Variants in RAB28 observed in about 807,000 individuals in gnomAD.
RAB28 encodes the protein ras-related protein Rab-28.
A neutral mutation model predicts 31.7 loss-of-function variants in RAB28; 24 were observed. That is an observed-to-expected ratio of 0.76 (90% CI 0.55 to 1.06). The LOEUF is 1.06. RAB28 is among the 50% of genes least tolerant of loss of function. RAB28 has a pLI of 0.00. For synonymous variants in RAB28, 100 were observed against 90.4 expected (o/e 1.11, Z -0.60); for missense variants, 254 against 258.5 (o/e 0.98, Z 0.12).
At chr4:13,379,479 C>T (rs1156467531) in intron 5 of RAB28, among the ~76,000 whole-genome samples, 2 of 152,018 alleles carry the variant, frequency 1.3e-5, no homozygotes, top group Admixed American at 6.6e-5. Flanking sequence ...AGAGTATATG[C>T]ATGGCAATGA....
At chr4:13,459,235 T>C (rs1423218820) in intron 4 of RAB28, among the ~76,000 whole-genome samples, 4 of 152,168 alleles carry the variant, frequency 2.6e-5, no homozygotes, top group African/African-American at 9.7e-5. Context: ...TTCCCTACTT[T>C]TGAGGTTTTG....
At chr4:13,467,328 ATT>A (rs1167936716) in intron 3 of RAB28, among the ~76,000 whole-genome samples, 2 of 151,896 alleles carry the variant, frequency 1.3e-5, no homozygotes, top group African/African-American at 4.8e-5. Flanking sequence ...AAAATTTAAC[ATT>A]TTTTAAATAA....
chr4:13,473,085 C>T (rs939468693), intron 3 of RAB28, among the ~76,000 whole-genome samples: 1 of 151,888 alleles, frequency 6.6e-6, no homozygotes, highest in African/African-American at 2.4e-5. Context: ...ACCATATTAG[C>T]CTCTATAGCC....
At chr4:13,467,291 A>G (rs1400566719) in intron 3 of RAB28, among the ~76,000 whole-genome samples, 3 of 151,844 alleles carry the variant, frequency 2.0e-5, no homozygotes, top group African/African-American at 7.2e-5. Context: ...CATAAATATA[A>G]CCGATTATAA....
chr4:13,439,139 T>C (rs1360956730), intron 4 of RAB28, among the ~76,000 whole-genome samples: 2 of 152,250 alleles, frequency 1.3e-5, no homozygotes, highest in African/African-American at 4.8e-5. Context: ...CTTTATATTG[T>C]TGAGGTTCAA....
chr4:13,387,395 A>G (rs1161629406), intron 4 of RAB28, among the ~76,000 whole-genome samples: 2 of 152,126 alleles, frequency 1.3e-5, no homozygotes, highest in Non-Finnish European at 2.9e-5. Context: ...AGCCTATTTT[A>G]CATTTTCACA....
intron 4 of RAB28, among the ~76,000 whole-genome samples, chr4:13,444,887 G>T (rs1431411420): frequency 6.6e-6 from 1 of 151,748 alleles, no homozygotes; most frequent in Non-Finnish European, 1.5e-5. Flanking sequence ...GAGTATCTTG[G>T]TGGTGTTCTC....
At chr4:13,448,912 A>AAGCAGCAGC (rs371746319) in intron 4 of RAB28, among the ~76,000 whole-genome samples, 2,932 of 151,836 alleles carry the variant, frequency 0.019, 99 homozygotes, top group African/African-American at 0.066. Flanking sequence ...AAAAAAGAAA[A>AAGCAGCAGC]AGCAGCAGCA....
At chr4:13,452,359 T>C (rs926065809) in intron 4 of RAB28, among the ~76,000 whole-genome samples, 6 of 151,952 alleles carry the variant, frequency 3.9e-5, no homozygotes, top group African/African-American at 1.2e-4. Flanking sequence ...TTGAGATTCA[T>C]TGCAGTTTAT....
At chr4:13,482,179 G>C (rs1716634709) in intron 1 of RAB28, among the ~76,000 whole-genome samples, 1 of 151,972 alleles carries the variant, frequency 6.6e-6, no homozygotes, top group Non-Finnish European at 1.5e-5. Flanking sequence ...ACATGGAAGT[G>C]AAAAAATTAT....
chr4:13,456,954 A>G (rs1401491350), intron 4 of RAB28, among the ~76,000 whole-genome samples: 6 of 152,194 alleles, frequency 3.9e-5, no homozygotes, highest in Admixed American at 1.3e-4. Context: ...AATAAAAAGC[A>G]AATAATCCTG....
At chr4:13,456,995 T>C (rs955948890) in intron 4 of RAB28, among the ~76,000 whole-genome samples, 1 of 152,206 alleles carries the variant, frequency 6.6e-6, no homozygotes, top group Non-Finnish European at 1.5e-5. Flanking sequence ...ATTCACCCTC[T>C]CTTTTTCTCT....
At chr4:13,412,316 T>C (rs1712484358) in intron 4 of RAB28, among the ~76,000 whole-genome samples, 1 of 152,048 alleles carries the variant, frequency 6.6e-6, no homozygotes, top group South Asian at 2.1e-4. Flanking sequence ...AATGCTCAGA[T>C]TGCTAGTAAG....
At chr4:13,460,854 C>G (rs567745961) in intron 3 of RAB28, 26 bp from the exon 4 acceptor site, 3 of 1,600,582 alleles carry the variant, frequency 1.9e-6, no homozygotes, top group South Asian at 2.2e-5. Flanking sequence ...TACAAAATAT[C>G]TGTAATGTAT....
intron 5 of RAB28, among the ~76,000 whole-genome samples, chr4:13,377,888 T>C (rs1044648010): frequency 2.6e-5 from 4 of 151,720 alleles, no homozygotes; most frequent in African/African-American, 9.7e-5. Flanking sequence ...AAAAGAGGAG[T>C]CAAGAAAGGC....
Position 13,455,977 on chromosome 4 carries a change from T to G in RAB28, c.391+4722A>C, listed in dbSNP as rs555208002. ...CATCTTGCTAAAGTCCATAAGTGTA[T>G]TTATTAATCTCAACAACCAGACACA... is the stretch of plus-strand genomic sequence containing the variant. On this transcript the variant is annotated intron_variant, in intron 4 of 6. Coordinates refer to ENST00000330852, the MANE Select transcript of RAB28 (RefSeq NM_001017979.3). Among the ~76,000 whole-genome samples, 76 of 152,352 alleles carry G rather than the reference T, an allele frequency of 5.0e-4. 1 individual carries two copies. The highest frequency in any genetic ancestry group is 1.2e-3 in the Admixed American group (18 of 15,306).
chr4:13,450,706 G>A (rs773100895), intron 4 of RAB28, among the ~76,000 whole-genome samples: 11 of 151,946 alleles, frequency 7.2e-5, no homozygotes, highest in Non-Finnish European at 1.3e-4. Context: ...TGACAGAAAG[G>A]AAGACTGGGT....
At chr4:13,411,632 T>C (rs1712446196) in intron 4 of RAB28, among the ~76,000 whole-genome samples, 1 of 152,148 alleles carries the variant, frequency 6.6e-6, no homozygotes, top group African/African-American at 2.4e-5. Flanking sequence ...TTAACACAAA[T>C]ATTAAATGTT....
intron 4 of RAB28, among the ~76,000 whole-genome samples, chr4:13,451,125 A>T (rs1714946343): frequency 6.6e-6 from 1 of 151,982 alleles, no homozygotes; most frequent in South Asian, 2.1e-4. Context: ...GTTGTAGTTT[A>T]TATGAGATGA....
Sources: gnomAD v4.1 joint callset for allele counts (sites outside exome capture counted in the v4.1 genomes callset) on GRCh38, gnomAD v4.1.1 for gene constraint, MANE v1.5 for transcripts, NCBI Gene and HGNC (gene_info 2026-07-23, HGNC 2026-07-21) for gene names.